The following NUP93 variants were observed in gnomAD, a reference collection of about 807,000 sequenced individuals.
NUP93 encodes nucleoporin 93.
Under a neutral mutation model 107.8 loss-of-function variants are expected in NUP93, and 55 were observed. The ratio of observed to expected loss-of-function variants is 0.51; its 90% CI spans 0.41 to 0.64. The LOEUF (loss-of-function observed/expected upper bound fraction) is 0.64. NUP93 is among the 30% of genes least tolerant of loss of function. The pLI is 0.00. For missense variants in NUP93, 937 were observed against 1,044.7 expected, an observed-to-expected ratio of 0.90 and a Z score of 1.42; for synonymous variants, 390 against 397.5, an observed-to-expected ratio of 0.98 and a Z score of 0.22.
At chr16:56,834,016 G>A (rs1963857151) in intron 13 of NUP93, 112 bp from the exon 14 acceptor site, 1 of 1,462,814 alleles carries the variant, frequency 6.8e-7, no homozygotes, top group Admixed American at 1.8e-5. Context: ...AACTTTGACT[G>A]GGCTGCAGGA....
At chr16:56,829,448 TG>T (rs1963735526) in intron 9 of NUP93, among the ~76,000 whole-genome samples, 1 of 152,210 alleles carries the variant, frequency 6.6e-6, no homozygotes, top group Non-Finnish European at 1.5e-5. Context: ...CTAAAACAGC[TG>T]GAAGAATGGA....
intron 5 of NUP93, among the ~76,000 whole-genome samples, chr16:56,810,180 G>A (rs1478304194): frequency 6.6e-6 from 1 of 152,218 alleles, no homozygotes; most frequent in Non-Finnish European, 1.5e-5. Context: ...ACACCTGGCA[G>A]AGTAGTTTGT....
intron 4 of NUP93, among the ~76,000 whole-genome samples, chr16:56,801,430 T>A (rs1963019116): frequency 6.6e-6 from 1 of 152,200 alleles, no homozygotes; most frequent in African/African-American, 2.4e-5. Flanking sequence ...ATTTATTTTT[T>A]GAGACAGGGT....
intron 1 of NUP93, 113 bp from the exon 2 acceptor site, chr16:56,748,121 C>T: frequency 1.5e-6 from 1 of 660,226 alleles, no homozygotes; most frequent in Non-Finnish European, 2.6e-6. Context: ...GAGCTGTGTC[C>T]TCGTCTGTTT....
intron 5 of NUP93, among the ~76,000 whole-genome samples, chr16:56,808,039 A>G (rs1192467483): frequency 6.9e-6 from 1 of 144,042 alleles, no homozygotes; most frequent in Non-Finnish European, 1.5e-5. Flanking sequence ...ATATATAAAT[A>G]TATATATTTC....
At position 56,834,228 on chromosome 16, in the gene NUP93, G is replaced by A. The variant is rs1963863676; in HGVS notation, c.1638G>A (p.Glu546=). Residue 546 remains glutamate (E), a synonymous_variant, in exon 14 of 22, where the codon GAG becomes GAA. Coordinates refer to ENST00000308159, the MANE Select transcript of NUP93 (RefSeq NM_014669.5). ...TRKFESTDPR[E]ALQYFYFLRD... is the part of the protein sequence containing the mutation. ...AGTTTGAGTCCACGGACCCAAGGGAGGCCCTCCAGTACTTCTATTTCCTCA... is the reference window on the plus strand; with the variant it reads ...AGTTTGAGTCCACGGACCCAAGGGAAGCCCTCCAGTACTTCTATTTCCTCA... The A allele has an allele frequency of 1.2e-6, 2 of 1,614,138 alleles. No homozygotes were observed. Among genetic ancestry groups the A allele is most frequent in the Non-Finnish European group, 1.7e-6 (2 of 1,180,024 alleles).
At chr16:56,765,527 T>C (rs1962201643) in intron 3 of NUP93, among the ~76,000 whole-genome samples, 1 of 152,216 alleles carries the variant, frequency 6.6e-6, no homozygotes, top group Admixed American at 6.5e-5. Context: ...AATCCTTTCC[T>C]GGAACACCAG....
chr16:56,833,989 C>G, intron 13 of NUP93, 139 bp from the exon 14 acceptor site: 1 of 1,215,224 alleles, frequency 8.2e-7, no homozygotes, highest in Admixed American at 2.0e-5. Context: ...AGGGACTGGC[C>G]AAAGCTTATA....
chr16:56,739,471 C>T (rs1429350678), intron 1 of NUP93, among the ~76,000 whole-genome samples: 19 of 74,290 alleles, frequency 2.6e-4, no homozygotes, highest in African/African-American at 9.5e-4. Context: ...TAGGGGCGGC[C>T]GGGCAGAGGC....
chr16:56,733,129 C>T (rs1357251110), intron 1 of NUP93, among the ~76,000 whole-genome samples: 1 of 152,006 alleles, frequency 6.6e-6, no homozygotes, highest in Non-Finnish European at 1.5e-5. Context: ...GAAACAGGCA[C>T]CCCAAAGAAT....
At chr16:56,798,820 G>A (rs568500607) in intron 4 of NUP93, among the ~76,000 whole-genome samples, 5 of 151,138 alleles carry the variant, frequency 3.3e-5, no homozygotes, top group East Asian at 1.9e-4. Context: ...GAGCCGAGTC[G>A]CGCCACTGCA....
intron 3 of NUP93, among the ~76,000 whole-genome samples, chr16:56,761,787 T>A (rs1596778733): frequency 6.6e-6 from 1 of 152,246 alleles, no homozygotes; most frequent in Non-Finnish European, 1.5e-5. Context: ...TGGTAAACAT[T>A]GATTATATTT....
intron 5 of NUP93, among the ~76,000 whole-genome samples, chr16:56,810,363 T>G (rs1963286946): frequency 1.3e-5 from 2 of 152,170 alleles, no homozygotes; most frequent in South Asian, 4.1e-4. Context: ...GTGCAGTGGC[T>G]TATGCCTGTA....
intron 21 of NUP93, chr16:56,842,744 A>T: frequency 2.7e-6 from 1 of 365,662 alleles, no homozygotes; most frequent in South Asian, 2.1e-5. Flanking sequence ...ATAGAGATGG[A>T]ATTTTACCAT....
chr16:56,815,865 A>ACTGCTGCTGCTGCTG lies in NUP93; in HGVS notation c.490-2780_490-2766dup, dbSNP rs59958027. On this transcript the variant is annotated intron_variant, in intron 5 of 21. Transcript: ENST00000308159. ...TCCAGGATTTCCAGCTACTACTGCT[A>ACTGCTGCTGCTGCTG]CTGCTGCTGCTGCTGCTGCTGCTGC... Among the ~76,000 whole-genome samples, 1,149 of 147,064 alleles carry ACTGCTGCTGCTGCTG rather than the reference A, an allele frequency of 7.8e-3. 14 individuals carry two copies. The highest frequency in any genetic ancestry group is 0.027 in the African/African-American group (1,059 of 39,568).
intron 3 of NUP93, among the ~76,000 whole-genome samples, chr16:56,787,182 T>C (rs1201800237): frequency 6.6e-6 from 1 of 152,252 alleles, no homozygotes; most frequent in Admixed American, 6.5e-5. Flanking sequence ...TTTAGTAGTC[T>C]CCAAACAAAT....
rs190820138 is a variant in NUP93, at chr16:56,763,465, A to G, written c.297+4810A>G. On this transcript the variant is annotated intron_variant, in intron 3 of 21. Coordinates refer to ENST00000308159, the MANE Select transcript of NUP93 (RefSeq NM_014669.5). ...TAGGATTAAATTTTGGCATTTTTCCAAGGTAGAAGGAACTGCTTGTGTGTG... is the reference window on the plus strand; with the variant it reads ...TAGGATTAAATTTTGGCATTTTTCCGAGGTAGAAGGAACTGCTTGTGTGTG... Among the ~76,000 whole-genome samples the G allele has an allele frequency of 1.1e-4, 17 of 152,018 alleles. No individual in the cohort carries two copies. The East Asian group carries it at 3.3e-3, about 29-fold the overall frequency.
chr16:56,739,303 C>T (rs1597099651), intron 1 of NUP93, among the ~76,000 whole-genome samples: 1 of 84,170 alleles, frequency 1.2e-5, no homozygotes, highest in South Asian at 4.9e-4. Flanking sequence ...CGGGCAGAGG[C>T]GCCCCTCACC....
At chr16:56,777,048 G>C (rs950972709) in intron 3 of NUP93, among the ~76,000 whole-genome samples, 1 of 152,182 alleles carries the variant, frequency 6.6e-6, no homozygotes, top group Non-Finnish European at 1.5e-5. Context: ...GCACGTGTGT[G>C]TGTGTGACAG....
Sources: allele counts gnomAD v4.1 joint callset (sites outside exome capture counted in the v4.1 genomes callset), GRCh38; gene constraint gnomAD v4.1.1; transcripts MANE v1.5; gene names NCBI Gene and HGNC (gene_info 2026-07-23, HGNC 2026-07-21).